The following MARCHF6 variants were observed in gnomAD, a reference collection of about 807,000 sequenced individuals.
MARCHF6 encodes E3 ubiquitin-protein ligase MARCHF6.
Under a neutral mutation model 133.7 loss-of-function variants are expected in MARCHF6, and 31 were observed. That is an observed-to-expected ratio of 0.23 (90% CI 0.17 to 0.31). MARCHF6 has a LOEUF of 0.31. Ranked by LOEUF, MARCHF6 falls within the 10% of genes least tolerant of loss-of-function variation. MARCHF6 has a pLI of 1.00. For synonymous variants in MARCHF6, 395 were observed against 402.5 expected (o/e 0.98, Z 0.22); for missense variants, 723 against 1,121.6 (o/e 0.64, Z 5.08).
chr5:10,378,063 A>G (rs1391085463), intron 2 of MARCHF6, among the ~76,000 whole-genome samples, 169 bp downstream of exon 2: 1 of 152,248 alleles, frequency 6.6e-6, no homozygotes, highest in Non-Finnish European at 1.5e-5. Flanking sequence ...AAATTAAAAA[A>G]TTTGGAAAAG....
chr5:10,360,010 A>T (rs1479367842), intron 1 of MARCHF6, among the ~76,000 whole-genome samples: 2 of 152,066 alleles, frequency 1.3e-5, no homozygotes, highest in East Asian at 1.9e-4. Context: ...CGTCTCAAAA[A>T]AAAAGTAGTA....
chr5:10,393,884 A>G (rs1396768364), intron 7 of MARCHF6, among the ~76,000 whole-genome samples, 198 bp from the exon 8 acceptor site: 1 of 151,900 alleles, frequency 6.6e-6, no homozygotes, highest in Non-Finnish European at 1.5e-5. Flanking sequence ...ACCTTACTTT[A>G]TATGTATTAT....
At position 10,390,282 on chromosome 5, in the gene MARCHF6, T is replaced by C. The variant is rs757814531; in HGVS notation, c.408-50T>C. ...AGAAAATTTTTTACCTTTGTTTTCC[T>C]AATTTTAAGTCTTCTTTGGAGTAAT... On this transcript the variant is annotated intron_variant, in intron 5 of 25. Coordinates refer to ENST00000274140, the MANE Select transcript of MARCHF6 (RefSeq NM_005885.4). The C allele has an allele frequency of 3.4e-6, 5 of 1,481,852 alleles. No homozygotes were observed. In the African/African-American group the frequency reaches 7.2e-5, roughly 21 times the overall value. 91.8% of individuals were successfully genotyped at this position (1,481,852 alleles called of 1,614,324 possible).
intron 1 of MARCHF6, among the ~76,000 whole-genome samples, chr5:10,374,791 C>T (rs1472655374): frequency 6.6e-6 from 1 of 152,176 alleles, no homozygotes; most frequent in Non-Finnish European, 1.5e-5. Flanking sequence ...GAAACCAGAG[C>T]CCTTTGGGTC....
chr5:10,385,530 G>T (rs1312036671), intron 4 of MARCHF6, among the ~76,000 whole-genome samples: 1 of 152,164 alleles, frequency 6.6e-6, no homozygotes, highest in East Asian at 1.9e-4. Flanking sequence ...CTTCATAGAT[G>T]TGTAGGTATA....
chr5:10,391,570 ATGT>A lies in MARCHF6; in HGVS notation c.608_610del (p.Val203del), dbSNP rs1561122160. ...CCAGCAGGAGGAAATGGTGCAGAAA[ATGT>A]TGCTGCTGATCAGCCTGCTAACCCA... On this transcript the variant is annotated inframe_deletion, in exon 7 of 26. Coordinates refer to ENST00000274140, the MANE Select transcript of MARCHF6 (RefSeq NM_005885.4). 6.2e-7 allele frequency: 1 copy of A among 1,611,560 alleles called. No individual in the cohort carries two copies. Among genetic ancestry groups the A allele is most frequent in the Non-Finnish European group, 8.5e-7 (1 of 1,179,132 alleles).
chr5:10,376,102 A>G (rs1475443301), intron 1 of MARCHF6, among the ~76,000 whole-genome samples: 1 of 152,214 alleles, frequency 6.6e-6, no homozygotes, highest in Admixed American at 6.5e-5. Flanking sequence ...TGCCGGAGCC[A>G]GCAGTGGCAA....
At chr5:10,354,399 C>G (rs62362659) in intron 1 of MARCHF6, among the ~76,000 whole-genome samples, 9,219 of 152,210 alleles carry the variant, frequency 0.061, 372 homozygotes, top group Non-Finnish European at 0.09. Context: ...AGATGACGGC[C>G]GAGTGGAGTG....
chr5:10,401,091 A>G (rs1253085477), intron 11 of MARCHF6: 5 of 381,540 alleles, frequency 1.3e-5, no homozygotes, highest in Non-Finnish European at 2.4e-5. Flanking sequence ...ACCGTGGGAA[A>G]GTTTCCCACA....
intron 17 of MARCHF6, among the ~76,000 whole-genome samples, chr5:10,407,965 C>CCA (rs1739006905): frequency 4.1e-5 from 4 of 97,656 alleles, no homozygotes; most frequent in Non-Finnish European, 6.6e-5. Flanking sequence ...CCCCCCCCCC[C>CCA]AAAAAAAAAA....
chr5:10,404,219 C>G (rs561647359), intron 15 of MARCHF6, among the ~76,000 whole-genome samples: 2 of 152,106 alleles, frequency 1.3e-5, no homozygotes, highest in South Asian at 4.2e-4. Context: ...AGGCACCCAC[C>G]ACCATGCCCG....
chr5:10,360,144 G>GTTTT (rs1164778520), intron 1 of MARCHF6, among the ~76,000 whole-genome samples: 88 of 75,066 alleles, frequency 1.2e-3, no homozygotes, highest in South Asian at 1.7e-3. Context: ...ATGTGTGTGT[G>GTTTT]TTTTTTTTTT....
At chr5:10,410,675 A>AT in intron 18 of MARCHF6, among the ~76,000 whole-genome samples, 1 of 151,802 alleles carries the variant, frequency 6.6e-6, no homozygotes, top group South Asian at 2.1e-4. Flanking sequence ...AACATGTTGC[A>AT]TTTTTTTCCC....
chr5:10,410,481 C>G (rs1455258125), intron 18 of MARCHF6, among the ~76,000 whole-genome samples: 2 of 150,548 alleles, frequency 1.3e-5, no homozygotes, highest in Non-Finnish European at 3.0e-5. Context: ...ATATATACAT[C>G]TTTTTGCCCT....
chr5:10,387,155 A>G (rs1486021656), intron 5 of MARCHF6, 89 bp downstream of exon 5: 3 of 986,082 alleles, frequency 3.0e-6, no homozygotes, highest in African/African-American at 1.6e-5. Context: ...TAATTTGTAA[A>G]TTCTTTTGTT....
chr5:10,430,167 A>C, intron 25 of MARCHF6, 139 bp downstream of exon 25: 2 of 955,596 alleles, frequency 2.1e-6, no homozygotes, highest in East Asian at 2.7e-5. Flanking sequence ...GTTTGCTGAC[A>C]GATTGTGACA....
intron 24 of MARCHF6, among the ~76,000 whole-genome samples, chr5:10,429,395 CTTTT>C (rs571345405): frequency 3.7e-5 from 5 of 134,552 alleles, no homozygotes; most frequent in Non-Finnish European, 4.9e-5. Flanking sequence ...CGTCCAGTTC[CTTTT>C]TTTTTTTTTT....
chr5:10,424,252 G>A (rs1467110546), intron 23 of MARCHF6, among the ~76,000 whole-genome samples: 2 of 152,078 alleles, frequency 1.3e-5, no homozygotes, highest in Admixed American at 6.5e-5. Flanking sequence ...GCAAGTGAGG[G>A]GAAGCAAAAA....
chr5:10,393,767 A>C (rs1424906192), intron 7 of MARCHF6, among the ~76,000 whole-genome samples: 1 of 152,088 alleles, frequency 6.6e-6, no homozygotes, highest in African/African-American at 2.4e-5. Flanking sequence ...TGGCTTCCTT[A>C]CTTTTCTCAA....
Sources: allele counts gnomAD v4.1 joint callset (sites outside exome capture counted in the v4.1 genomes callset), GRCh38; gene constraint gnomAD v4.1.1; transcripts MANE v1.5; gene names NCBI Gene and HGNC (gene_info 2026-07-23, HGNC 2026-07-21).